Variants in UBE2E2 observed in about 807,000 individuals in gnomAD.
The protein encoded by UBE2E2 is ubiquitin conjugating enzyme E2 E2.
In UBE2E2, 6 loss-of-function variants were observed where a neutral mutation model predicts 24.7. That is an observed-to-expected ratio of 0.24 (90% CI 0.13 to 0.48). UBE2E2 has a LOEUF of 0.48. UBE2E2 is among the 20% of genes least tolerant of loss of function. UBE2E2 has a pLI of 0.99. For synonymous variants in UBE2E2, 104 were observed against 83.6 expected, an observed-to-expected ratio of 1.24 and a Z score of -1.33; for missense variants, 169 against 245.0, an observed-to-expected ratio of 0.69 and a Z score of 2.07.
chr3:23,416,865 C>T (rs1452232436), intron 3 of UBE2E2, among the ~76,000 whole-genome samples: 2 of 152,038 alleles, frequency 1.3e-5, no homozygotes, highest in South Asian at 2.1e-4. Flanking sequence ...TGTGTATGCT[C>T]CACGAAGTTC....
At chr3:23,306,038 T>C (rs1244867839) in intron 3 of UBE2E2, among the ~76,000 whole-genome samples, 2 of 152,218 alleles carry the variant, frequency 1.3e-5, no homozygotes, top group African/African-American at 4.8e-5. Context: ...CAATTATCCT[T>C]AGATGAACCT....
chr3:23,467,743 G>A (rs1246804624), intron 3 of UBE2E2, among the ~76,000 whole-genome samples: 3 of 152,120 alleles, frequency 2.0e-5, no homozygotes, highest in Non-Finnish European at 4.4e-5. Flanking sequence ...AGAACTACCT[G>A]AGACTGGGTA....
intron 3 of UBE2E2, among the ~76,000 whole-genome samples, chr3:23,341,023 C>A (rs1337228847): frequency 1.3e-5 from 2 of 152,130 alleles, no homozygotes; most frequent in African/African-American, 4.8e-5. Flanking sequence ...ATCTTTGCCA[C>A]AAAAATGATG....
rs1273783323 is a variant in UBE2E2 at position 23,590,293 on chromosome 3, A to G, written c.*462A>G. On this transcript the variant is annotated 3_prime_UTR_variant, in exon 6 of 6. Transcript: ENST00000396703. ...TCGTTTCTACTTAAATGTAGTGCTT[A>G]GGGTTAATTTTTTGTACTGAAGTCT... 1 of 156,756 alleles carries G rather than the reference A, an allele frequency of 6.4e-6. No individual in the cohort carries two copies. Among genetic ancestry groups the G allele is most frequent in the African/African-American group, 2.4e-5 (1 of 41,424 alleles). 9.7% of individuals were successfully genotyped at this position (156,756 alleles called of 1,614,324 possible).
chr3:23,365,612 A>T (rs1017738446), intron 3 of UBE2E2, among the ~76,000 whole-genome samples: 2 of 152,204 alleles, frequency 1.3e-5, no homozygotes, highest in Non-Finnish European at 2.9e-5. Context: ...CAAAGACATC[A>T]TAGGTGACAC....
chr3:23,350,746 A>T (rs1695722062), intron 3 of UBE2E2, among the ~76,000 whole-genome samples: 1 of 152,226 alleles, frequency 6.6e-6, no homozygotes, highest in Admixed American at 6.5e-5. Flanking sequence ...TGAAAAGACC[A>T]AATCTACGTC....
At chr3:23,224,554 T>G (rs1419500830) in intron 3 of UBE2E2, among the ~76,000 whole-genome samples, 1 of 152,086 alleles carries the variant, frequency 6.6e-6, no homozygotes, top group Admixed American at 6.5e-5. Context: ...CAGCTTTTTT[T>G]TTTTGGTAGA....
chr3:23,499,856 T>G, intron 4 of UBE2E2, 116 bp downstream of exon 4: 1 of 1,240,582 alleles, frequency 8.1e-7, no homozygotes, highest in Non-Finnish European at 1.1e-6. Flanking sequence ...CACAGACAGC[T>G]TCCCAGGATT....
intron 3 of UBE2E2, among the ~76,000 whole-genome samples, chr3:23,386,946 C>T (rs1575599231): frequency 2.0e-5 from 3 of 152,300 alleles, no homozygotes; most frequent in Admixed American, 1.3e-4. Context: ...GCTGCCTGAC[C>T]TTCTGATCAG....
At chr3:23,354,674 A>G (rs1200682191) in intron 3 of UBE2E2, among the ~76,000 whole-genome samples, 9 of 152,194 alleles carry the variant, frequency 5.9e-5, no homozygotes, top group Non-Finnish European at 1.3e-4. Context: ...CAAAACCGCA[A>G]TGAGATACCA....
At chr3:23,231,187 C>A (rs1455457058) in intron 3 of UBE2E2, among the ~76,000 whole-genome samples, 2 of 152,174 alleles carry the variant, frequency 1.3e-5, no homozygotes, top group East Asian at 3.8e-4. Flanking sequence ...CTTTTGTCCT[C>A]TTCACCCATA....
At chr3:23,540,132 T>A (rs1488892551) in intron 5 of UBE2E2, among the ~76,000 whole-genome samples, 2 of 151,918 alleles carry the variant, frequency 1.3e-5, no homozygotes, top group African/African-American at 4.8e-5. Context: ...GGTGTCGTCA[T>A]AGCTCTCTGC....
chr3:23,396,503 A>C (rs1363210038), intron 3 of UBE2E2, among the ~76,000 whole-genome samples: 1 of 151,922 alleles, frequency 6.6e-6, no homozygotes, highest in Admixed American at 6.6e-5. Context: ...TATAATTTCC[A>C]AACAGGCTTT....
chr3:23,299,422 G>A (rs1699007782), intron 3 of UBE2E2, among the ~76,000 whole-genome samples: 1 of 151,904 alleles, frequency 6.6e-6, no homozygotes, highest in South Asian at 2.1e-4. Context: ...TGGGCATTTA[G>A]TGCTATAAAT....
intron 5 of UBE2E2, among the ~76,000 whole-genome samples, chr3:23,575,612 G>A (rs1005208292): frequency 6.6e-6 from 1 of 152,000 alleles, no homozygotes; most frequent in Admixed American, 6.6e-5. Context: ...TTATTTTTCT[G>A]TTAGTTTGGA....
chr3:23,481,198 G>A (rs1699251960), intron 3 of UBE2E2, among the ~76,000 whole-genome samples: 1 of 152,208 alleles, frequency 6.6e-6, no homozygotes, highest in Admixed American at 6.5e-5. Flanking sequence ...AGATAGGACT[G>A]TTGGTTGTCT....
At chr3:23,529,930 G>A (rs1486198527) in intron 4 of UBE2E2, among the ~76,000 whole-genome samples, 3 of 152,216 alleles carry the variant, frequency 2.0e-5, no homozygotes, top group Middle Eastern at 3.4e-3. Context: ...GTTTGAAACT[G>A]TAGATTTCTC....
chr3:23,499,581 A>C, intron 3 of UBE2E2, 27 bp from the exon 4 acceptor site: 1 of 1,594,768 alleles, frequency 6.3e-7, no homozygotes. Flanking sequence ...ATTTCTAAGC[A>C]CATTTCATTT....
At chr3:23,225,294 G>C (rs1371797061) in intron 3 of UBE2E2, among the ~76,000 whole-genome samples, 1 of 149,298 alleles carries the variant, frequency 6.7e-6, no homozygotes, top group African/African-American at 2.5e-5. Context: ...AGAAGTTTTT[G>C]CTTTTTGTGA....
Sources: gnomAD v4.1 joint callset for allele counts (sites outside exome capture counted in the v4.1 genomes callset) on GRCh38, gnomAD v4.1.1 for gene constraint, MANE v1.5 for transcripts, NCBI Gene and HGNC (gene_info 2026-07-23, HGNC 2026-07-21) for gene names.